The following SLC5A8 variants were observed in gnomAD, a reference collection of about 807,000 sequenced individuals.
The protein encoded by SLC5A8 is sodium-coupled monocarboxylate transporter 1.
A neutral mutation model predicts 71.9 loss-of-function variants in SLC5A8; 55 were observed. The ratio of observed to expected loss-of-function variants is 0.77; its 90% CI spans 0.62 to 0.96. The LOEUF is 0.96. Ranked by LOEUF, SLC5A8 falls within the 40% of genes least tolerant of loss-of-function variation. The pLI is 0.00. For missense variants in SLC5A8, 701 were observed against 745.3 expected (o/e 0.94, Z 0.69); for synonymous variants, 307 against 276.1 (o/e 1.11, Z -1.11).
rs1869476798 is a variant in SLC5A8, at chr12:101,202,051, T to C, written c.469+113A>G. ...ATCCTGCCCCGCTAAGTAAAGCTGA[T>C]GCAGGTTACTAGAAGCATTCCTCCA... On this transcript the variant is annotated intron_variant, in intron 3 of 14. Transcript: ENST00000536262. The C allele has an allele frequency of 4.8e-6, 5 of 1,035,890 alleles. No homozygotes were observed. The South Asian group carries it at 5.4e-5, about 11-fold the overall frequency. 64.2% of individuals were successfully genotyped at this position (1,035,890 alleles called of 1,614,324 possible).
At position 101,161,954 on chromosome 12, in the gene SLC5A8, A is replaced by G; in HGVS notation, c.1630+20T>C. ...CTGATATAGAGGTAAATACAACAAT[A>G]CTAATGTTTAGATAGTTACCTGTTG... is the stretch of plus-strand genomic sequence containing the variant. On this transcript the variant is annotated intron_variant, in intron 13 of 14. Coordinates refer to ENST00000536262, the MANE Select transcript of SLC5A8 (RefSeq NM_145913.5). 6.6e-7 allele frequency: 1 copy of G among 1,520,488 alleles called. No homozygotes were observed. Among genetic ancestry groups the G allele is most frequent in the Non-Finnish European group, 9.1e-7 (1 of 1,095,032 alleles). The allele number at this position is 1,520,488 out of a possible 1,614,324, so 94.2% of individuals were successfully genotyped here.
intron 1 of SLC5A8, among the ~76,000 whole-genome samples, chr12:101,208,466 T>G (rs1171146425): frequency 1.3e-5 from 2 of 152,168 alleles, no homozygotes; most frequent in Non-Finnish European, 2.9e-5. Context: ...CAAGGACCAG[T>G]GCTGGGTGAG....
intron 3 of SLC5A8, 58 bp downstream of exon 3, chr12:101,202,106 G>A (rs185239186): frequency 5.3e-6 from 8 of 1,513,700 alleles, no homozygotes; most frequent in African/African-American, 1.4e-5. Flanking sequence ...AGAAAATAAG[G>A]CTTGTTGAAA....
At chr12:101,195,282 G>C in intron 3 of SLC5A8, 120 bp from the exon 4 acceptor site, 1 of 985,690 alleles carries the variant, frequency 1.0e-6, no homozygotes. Context: ...ATACCCACTT[G>C]CCTAAAGCTA....
chr12:101,195,238 A>G, intron 3 of SLC5A8, 76 bp from the exon 4 acceptor site: 1 of 1,492,616 alleles, frequency 6.7e-7, no homozygotes, highest in Non-Finnish European at 9.2e-7. Context: ...TCATCAGAGA[A>G]GGAAGCTATA....
intron 10 of SLC5A8, 98 bp from the exon 11 acceptor site, chr12:101,168,280 C>T: frequency 6.1e-6 from 7 of 1,153,928 alleles, no homozygotes; most frequent in South Asian, 1.6e-5. Flanking sequence ...AGTATTCGGC[C>T]TCCTTCTGAA....
intron 12 of SLC5A8, among the ~76,000 whole-genome samples, chr12:101,165,954 C>A (rs2051766088): frequency 6.6e-6 from 1 of 152,154 alleles, no homozygotes; most frequent in South Asian, 2.1e-4. Context: ...TTAAATCAGA[C>A]AACTTCAGCA....
chr12:101,176,950 GA>G (rs1213691528), intron 10 of SLC5A8, among the ~76,000 whole-genome samples: 4 of 151,808 alleles, frequency 2.6e-5, no homozygotes, highest in Admixed American at 2.6e-4. Flanking sequence ...AGTGAAAACA[GA>G]AAAACAACAC....
At chr12:101,194,569 G>T (rs999853904) in intron 4 of SLC5A8, among the ~76,000 whole-genome samples, 1 of 152,130 alleles carries the variant, frequency 6.6e-6, no homozygotes, top group Non-Finnish European at 1.5e-5. Context: ...GGGCTCAGGC[G>T]ATCCTCCCAC....
In SLC5A8 at chr12:101,209,756, G is replaced by T. The variant is rs750341396; in HGVS notation, c.93C>A (p.Tyr31Ter). Reference sequence around the variant, plus strand: ...GCTGGCCGCCCCCAGCGAAGGCGTAGTAGATGCCGATGGCGGCCGAGATGA... The same window carrying T: ...GCTGGCCGCCCCCAGCGAAGGCGTATTAGATGCCGATGGCGGCCGAGATGA... ...MLVISAAIGI[Y>*]YAFAGGGQQT... is the part of the protein sequence containing the mutation. Residue 31 changes from tyrosine (Y) to a stop codon, truncating the protein, a stop_gained, in exon 1 of 15, where the codon TAC becomes TAA. Coordinates refer to ENST00000536262, the MANE Select transcript of SLC5A8 (RefSeq NM_145913.5). LOFTEE classifies it high-confidence loss of function. The T allele has an allele frequency of 6.2e-7, 1 of 1,611,926 alleles. No homozygotes were observed. Among genetic ancestry groups the T allele is most frequent in the Non-Finnish European group, 8.5e-7 (1 of 1,179,318 alleles).
chr12:101,198,467 T>C (rs969467592), intron 3 of SLC5A8, among the ~76,000 whole-genome samples: 3 of 152,000 alleles, frequency 2.0e-5, no homozygotes, highest in African/African-American at 4.8e-5. Flanking sequence ...CTATAGATAC[T>C]ATAAACATTA....
intron 12 of SLC5A8, 147 bp from the exon 13 acceptor site, chr12:101,162,224 C>G (rs934783385): frequency 1.7e-6 from 1 of 600,990 alleles, no homozygotes; most frequent in Non-Finnish European, 3.0e-6. Flanking sequence ...TTTATCTTAT[C>G]AGATCAGGAA....
At chr12:101,192,117 C>T (rs1868939614) in intron 5 of SLC5A8, among the ~76,000 whole-genome samples, 1 of 152,208 alleles carries the variant, frequency 6.6e-6, no homozygotes, top group South Asian at 2.1e-4. Context: ...TTTGGGGAAA[C>T]TACCATTTCT....
At chr12:101,187,635 T>C (rs1868715242) in intron 6 of SLC5A8, 120 bp from the exon 7 acceptor site, 3 of 1,076,874 alleles carry the variant, frequency 2.8e-6, no homozygotes, top group Admixed American at 6.6e-5. Context: ...TACATTATCT[T>C]TTGATTATCG....
At chr12:101,187,050 T>A (rs1465117520) in intron 7 of SLC5A8, among the ~76,000 whole-genome samples, 1 of 152,170 alleles carries the variant, frequency 6.6e-6, no homozygotes, top group Non-Finnish European at 1.5e-5. Flanking sequence ...AAATGTTCTA[T>A]AGTACAATGG....
At chr12:101,194,641 AT>A (rs150006240) in intron 4 of SLC5A8, among the ~76,000 whole-genome samples, 1,605 of 151,866 alleles carry the variant, frequency 0.011, 17 homozygotes, top group South Asian at 0.029. Flanking sequence ...ATTTTAAAAA[AT>A]TTTTTTTGTT....
At chr12:101,177,116 A>G (rs938992294) in intron 10 of SLC5A8, among the ~76,000 whole-genome samples, 3 of 152,144 alleles carry the variant, frequency 2.0e-5, no homozygotes, top group Non-Finnish European at 4.4e-5. Context: ...AAAGGATAGT[A>G]CAGAACTACT....
chr12:101,198,911 T>C (rs844016), intron 3 of SLC5A8, among the ~76,000 whole-genome samples: 71,765 of 151,620 alleles, frequency 0.47, 17,334 homozygotes, highest in East Asian at 0.65. Context: ...ATGTAACTTT[T>C]CACATTAACA....
chr12:101,209,668 G>A lies in SLC5A8; in HGVS notation c.181C>T (p.Leu61Phe), dbSNP rs752355765. ...RMTAVPVALS[L>F]TASFMSAVTV... ...ACGGCTGACATGAAGCTAGCGGTGA[G>A]GGACAGCGCCACGGGCACTGCGGTC... Residue 61 changes from leucine (L) to phenylalanine (F), a missense_variant, in exon 1 of 15, where the codon CTC becomes TTC. Leu to Phe is a conservative substitution (Grantham distance 22, BLOSUM62 0). Coordinates refer to ENST00000536262, the MANE Select transcript of SLC5A8 (RefSeq NM_145913.5). 6.2e-7 allele frequency: 1 copy of A among 1,613,854 alleles called. No homozygotes were observed. Among genetic ancestry groups the A allele is most frequent in the Non-Finnish European group, 8.5e-7 (1 of 1,180,044 alleles).
Sources: allele counts gnomAD v4.1 joint callset (sites outside exome capture counted in the v4.1 genomes callset), GRCh38; gene constraint gnomAD v4.1.1; transcripts MANE v1.5; gene names NCBI Gene and HGNC (gene_info 2026-07-23, HGNC 2026-07-21).